TNR: variants seen among roughly 807,000 people sequenced by gnomAD.
The protein encoded by TNR is tenascin-R.
In TNR, 45 loss-of-function variants were observed where a neutral mutation model predicts 150.4. The ratio of observed to expected loss-of-function variants is 0.30; its 90% CI spans 0.24 to 0.38. The LOEUF is 0.38. TNR is among the 10% of genes least tolerant of loss of function. TNR has a pLI of 1.00. For missense variants in TNR, 1,544 were observed against 1,759.1 expected, an observed-to-expected ratio of 0.88 and a Z score of 2.19; for synonymous variants, 687 against 678.4, an observed-to-expected ratio of 1.01 and a Z score of -0.20.
intron 1 of TNR, among the ~76,000 whole-genome samples, chr1:175,562,874 G>T (rs182092217): frequency 6.6e-6 from 1 of 152,350 alleles, no homozygotes; most frequent in Admixed American, 6.5e-5. Flanking sequence ...TGAGGTATTG[G>T]CTGTGTCTAC....
intron 1 of TNR, among the ~76,000 whole-genome samples, chr1:175,685,005 C>T (rs745592817): frequency 1.9e-4 from 29 of 152,082 alleles, no homozygotes; most frequent in Non-Finnish European, 4.0e-4. Flanking sequence ...TTCCTATTTC[C>T]TTTTTTTCAT....
chr1:175,585,873 G>T (rs1023110313), intron 1 of TNR, among the ~76,000 whole-genome samples: 1 of 151,732 alleles, frequency 6.6e-6, no homozygotes, highest in South Asian at 2.1e-4. Context: ...CCTAACTTTT[G>T]TGATGTCTTG....
chr1:175,446,809 G>A (rs537133378), intron 2 of TNR, among the ~76,000 whole-genome samples: 9 of 152,248 alleles, frequency 5.9e-5, no homozygotes, highest in East Asian at 1.9e-4. Context: ...CAGCCACCCC[G>A]CGAGGTACTC....
intron 1 of TNR, among the ~76,000 whole-genome samples, chr1:175,552,950 T>C (rs10912998): frequency 0.65 from 98,134 of 151,940 alleles, 31,987 homozygotes; most frequent in Admixed American, 0.73. Context: ...GTCTACAGCC[T>C]GGGAATTTGA....
intron 2 of TNR, among the ~76,000 whole-genome samples, chr1:175,452,476 C>T (rs549718164): frequency 6.0e-4 from 91 of 152,316 alleles, no homozygotes; most frequent in Non-Finnish European, 1.0e-3. Flanking sequence ...GGGATTTCAG[C>T]AGAGACCTGG....
At chr1:175,586,340 C>T (rs1662570460) in intron 1 of TNR, among the ~76,000 whole-genome samples, 1 of 152,182 alleles carries the variant, frequency 6.6e-6, no homozygotes, top group African/African-American at 2.4e-5. Flanking sequence ...ACCCCCTTCT[C>T]TTTTCTGGAC....
intron 1 of TNR, among the ~76,000 whole-genome samples, chr1:175,620,063 A>C (rs925308711): frequency 4.4e-4 from 67 of 152,342 alleles, no homozygotes; most frequent in African/African-American, 1.5e-3. Flanking sequence ...ATAATGCGTA[A>C]TTTCACATAG....
At chr1:175,679,375 C>T (rs1251471569) in intron 1 of TNR, among the ~76,000 whole-genome samples, 1 of 152,206 alleles carries the variant, frequency 6.6e-6, no homozygotes, top group Non-Finnish European at 1.5e-5. Context: ...GGCCATAGAC[C>T]ATATTTACTG....
chr1:175,731,006 T>C (rs930899128), intron 1 of TNR, among the ~76,000 whole-genome samples: 3 of 152,198 alleles, frequency 2.0e-5, no homozygotes, highest in Admixed American at 6.5e-5. Flanking sequence ...TTGGCCTCTA[T>C]AGCATTCAGC....
intron 1 of TNR, among the ~76,000 whole-genome samples, chr1:175,534,989 C>T (rs996852555): frequency 6.6e-6 from 1 of 152,166 alleles, no homozygotes; most frequent in Non-Finnish European, 1.5e-5. Flanking sequence ...GGACATGTTT[C>T]CTTCCCCTTC....
chr1:175,331,078 C>CTTTCTTTCTCTTTCTTTCT (rs57439733), intron 20 of TNR, among the ~76,000 whole-genome samples: 1 of 59,916 alleles, frequency 1.7e-5, no homozygotes, highest in Non-Finnish European at 3.5e-5. Flanking sequence ...TCTTTCTTTC[C>CTTTCTTTCTCTTTCTTTCT]TTCTTTCTTT....
chr1:175,741,030 C>T (rs1326947726), intron 1 of TNR, among the ~76,000 whole-genome samples: 1 of 152,220 alleles, frequency 6.6e-6, no homozygotes, highest in African/African-American at 2.4e-5. Flanking sequence ...TCTTGGCCAT[C>T]TTCTTAGCTG....
intron 2 of TNR, among the ~76,000 whole-genome samples, chr1:175,429,754 A>G (rs1170393946): frequency 6.6e-6 from 1 of 152,212 alleles, no homozygotes; most frequent in East Asian, 1.9e-4. Context: ...AGAGTTTTGT[A>G]TAATGTCACT....
At position 175,379,682 on chromosome 1, in the gene TNR, G is replaced by A. The variant is rs757491979; in HGVS notation, c.1833C>T (p.Asp611=). ...CGGCTTCACTGTTATCCCACTCGAG[G>A]TCAAGGCTGGTTGCTGTGCGAGAAC... ...RVGSRTATSL[D]LEWDNSEAEV... is the part of the protein sequence containing the mutation. Residue 611 remains aspartate, a synonymous_variant, in exon 9 of 23, where the codon GAC becomes GAT. Transcript: ENST00000367674. 195 of 1,614,210 alleles carry A rather than the reference G, an allele frequency of 1.2e-4. No individual in the cohort carries two copies. The highest frequency in any genetic ancestry group is 4.9e-4 in the Middle Eastern group (3 of 6,062).
chr1:175,646,672 ATT>A (rs1664818974), intron 1 of TNR, among the ~76,000 whole-genome samples: 1 of 152,194 alleles, frequency 6.6e-6, no homozygotes, highest in South Asian at 2.1e-4. Flanking sequence ...TTGAAGAGTC[ATT>A]TAGAAGTTCT....
chr1:175,375,749 G>T (rs1409093306), intron 9 of TNR, among the ~76,000 whole-genome samples: 2 of 152,138 alleles, frequency 1.3e-5, no homozygotes, highest in Non-Finnish European at 2.9e-5. Flanking sequence ...CTGACCTTGT[G>T]CCCAGCAAAG....
At chr1:175,733,226 C>G (rs1305649761) in intron 1 of TNR, among the ~76,000 whole-genome samples, 1 of 152,220 alleles carries the variant, frequency 6.6e-6, no homozygotes, top group Non-Finnish European at 1.5e-5. Flanking sequence ...GGAACCGGGT[C>G]CCTTCCCAGA....
intron 14 of TNR, 49 bp downstream of exon 14, chr1:175,362,614 A>G (rs1444561675): frequency 6.3e-7 from 1 of 1,594,418 alleles, no homozygotes; most frequent in East Asian, 2.2e-5. Context: ...AACTTCACCC[A>G]GATCTTCAGC....
chr1:175,460,920 T>C (rs1656786805), intron 2 of TNR, among the ~76,000 whole-genome samples: 1 of 152,154 alleles, frequency 6.6e-6, no homozygotes, highest in East Asian at 1.9e-4. Flanking sequence ...TACATGCTCA[T>C]ATATATGTGT....
Sources: allele counts gnomAD v4.1 joint callset (sites outside exome capture counted in the v4.1 genomes callset), GRCh38; gene constraint gnomAD v4.1.1; transcripts MANE v1.5; gene names NCBI Gene and HGNC (gene_info 2026-07-23, HGNC 2026-07-21).